GRID2: variants seen among roughly 807,000 people sequenced by gnomAD.
GRID2 encodes the protein glutamate receptor ionotropic, delta-2.
In GRID2, 33 loss-of-function variants were observed where a neutral mutation model predicts 114.8. The ratio of observed to expected loss-of-function variants is 0.29; its 90% CI spans 0.22 to 0.38. The LOEUF is 0.38. Ranked by LOEUF, GRID2 falls within the 10% of genes least tolerant of loss-of-function variation. The pLI, the probability that GRID2 is intolerant of heterozygous loss-of-function variation, is 1.00. For missense variants in GRID2, 1,184 were observed against 1,257.7 expected (o/e 0.94, Z 0.89); for synonymous variants, 505 against 449.9 (o/e 1.12, Z -1.55).
In GRID2 at chr4:93,626,356, A is replaced by G; in HGVS notation, c.2281A>G (p.Ile761Val). ...TGACCCAGATTGTTCCTTTTACACC[A>G]TTGGAAATACTGTTGCTGATCGGGG... ...INDPDCSFYT[I>V]GNTVADRGYG... Residue 761 changes from isoleucine (I) to valine (V), a missense_variant, in exon 14 of 16, where the codon ATT (isoleucine) becomes GTT (valine). Transcript: ENST00000282020. 6.2e-7 allele frequency: 1 copy of G among 1,606,930 alleles called. No homozygotes were observed. Among genetic ancestry groups the G allele is most frequent in the Non-Finnish European group, 8.5e-7 (1 of 1,173,700 alleles).
chr4:92,704,741 C>CTTTCTCTCTCTCTCTCTCTA (rs1579878824), intron 2 of GRID2, among the ~76,000 whole-genome samples: 1 of 150,374 alleles, frequency 6.7e-6, no homozygotes, highest in African/African-American at 2.5e-5. Context: ...CTCTCTCTCT[C>CTTTCTCTCTCTCTCTCTCTA]TCTCCCTCCC....
At chr4:93,571,766 G>A (rs754983972) in intron 13 of GRID2, among the ~76,000 whole-genome samples, 9 of 152,090 alleles carry the variant, frequency 5.9e-5, no homozygotes, top group Non-Finnish European at 8.8e-5. Flanking sequence ...AACATGGAAA[G>A]GTATGAAATG....
intron 2 of GRID2, among the ~76,000 whole-genome samples, chr4:92,852,878 CT>C (rs1489821323): frequency 6.6e-6 from 1 of 151,952 alleles, no homozygotes; most frequent in Non-Finnish European, 1.5e-5. Flanking sequence ...AAATTTTCAG[CT>C]TCATTGTTAA....
chr4:92,499,117 A>G (rs1299874802), intron 1 of GRID2, among the ~76,000 whole-genome samples: 2 of 151,988 alleles, frequency 1.3e-5, no homozygotes, highest in Admixed American at 6.6e-5. Flanking sequence ...GTAGATATGT[A>G]TACTACCTGT....
At chr4:93,104,076 C>T (rs1309811969) in intron 3 of GRID2, among the ~76,000 whole-genome samples, 2 of 151,970 alleles carry the variant, frequency 1.3e-5, no homozygotes, top group Non-Finnish European at 2.9e-5. Context: ...GTCTATTGTT[C>T]CCATGTTTAT....
At chr4:92,844,310 G>A (rs770356732) in intron 2 of GRID2, among the ~76,000 whole-genome samples, 14 of 151,918 alleles carry the variant, frequency 9.2e-5, no homozygotes, top group Non-Finnish European at 1.6e-4. Context: ...AGGCCAAGAC[G>A]GGTGGATTAT....
At chr4:92,707,809 C>T (rs964860486) in intron 2 of GRID2, among the ~76,000 whole-genome samples, 1 of 152,250 alleles carries the variant, frequency 6.6e-6, no homozygotes, top group South Asian at 2.1e-4. Flanking sequence ...GAAGGAAGTT[C>T]GACTGTGTTG....
chr4:93,580,527 T>C (rs1736869802), intron 13 of GRID2, among the ~76,000 whole-genome samples: 1 of 152,220 alleles, frequency 6.6e-6, no homozygotes, highest in South Asian at 2.1e-4. Flanking sequence ...GAAAGTTGAC[T>C]GTTTTGTCAT....
intron 2 of GRID2, among the ~76,000 whole-genome samples, chr4:92,750,366 A>G (rs1343309034): frequency 6.6e-6 from 1 of 152,142 alleles, no homozygotes; most frequent in Non-Finnish European, 1.5e-5. Flanking sequence ...TGCCTATTCT[A>G]CTTTCGCTAA....
chr4:93,489,459 TAA>T (rs1726758471), intron 11 of GRID2, among the ~76,000 whole-genome samples: 1 of 151,956 alleles, frequency 6.6e-6, no homozygotes, highest in Admixed American at 6.6e-5. Flanking sequence ...TTTTATTTTT[TAA>T]AGAGTCCTGG....
chr4:92,385,755 A>G (rs1358691009), intron 1 of GRID2, among the ~76,000 whole-genome samples: 1 of 151,524 alleles, frequency 6.6e-6, no homozygotes, highest in Non-Finnish European at 1.5e-5. Flanking sequence ...GTACATTTGT[A>G]ATATACCTTT....
At chr4:93,658,389 T>A (rs902509330) in intron 14 of GRID2, among the ~76,000 whole-genome samples, 1 of 152,160 alleles carries the variant, frequency 6.6e-6, no homozygotes, top group Non-Finnish European at 1.5e-5. Flanking sequence ...ATTGAAATAA[T>A]ACCATTTAAA....
In GRID2 at chr4:92,742,224, T is replaced by G. The variant is rs569198393; in HGVS notation, c.244+151938T>G. Among the ~76,000 whole-genome samples, 3 of 152,314 alleles carry G rather than the reference T, an allele frequency of 2.0e-5. No homozygotes were observed. The South Asian group carries it at 6.2e-4, about 32-fold the overall frequency. ...TGTAAGTGAGAATTTTAAAATTAAT[T>G]GAAAACTCTCCTGTTAGTAAATTAA... On this transcript the variant is annotated intron_variant, in intron 2 of 15. Transcript: ENST00000282020.
At chr4:93,596,853 A>G (rs1259930097) in intron 13 of GRID2, among the ~76,000 whole-genome samples, 1 of 152,224 alleles carries the variant, frequency 6.6e-6, no homozygotes, top group Non-Finnish European at 1.5e-5. Context: ...TTCTACATAC[A>G]ATATAATTGA....
intron 2 of GRID2, among the ~76,000 whole-genome samples, chr4:92,851,974 G>A (rs1002933127): frequency 4.8e-4 from 73 of 152,040 alleles, no homozygotes; most frequent in African/African-American, 1.7e-3. Context: ...GAGTCCTTTT[G>A]TTAAGAAATT....
At chr4:93,440,678 G>A (rs1333087289) in intron 10 of GRID2, among the ~76,000 whole-genome samples, 1 of 152,062 alleles carries the variant, frequency 6.6e-6, no homozygotes, top group Non-Finnish European at 1.5e-5. Flanking sequence ...GATAAGGAAG[G>A]ATTTTAACAC....
At position 92,879,290 on chromosome 4, in the gene GRID2, A is replaced by G. The variant is rs1310011137; in HGVS notation, c.245-205705A>G. On this transcript the variant is annotated intron_variant, in intron 2 of 15. Coordinates refer to ENST00000282020, the MANE Select transcript of GRID2 (RefSeq NM_001510.4). ...GACAGAGTAAATACTGATGTGACTG[A>G]CCCTTGTGAAGGTTGACTGACACCA... Among the ~76,000 whole-genome samples, 4 of 152,180 alleles carry G rather than the reference A, an allele frequency of 2.6e-5. 1 individual carries two copies. The highest frequency in any genetic ancestry group is 1.3e-4 in the Admixed American group (2 of 15,278).
chr4:93,345,619 T>C (rs1760149350), intron 8 of GRID2, among the ~76,000 whole-genome samples: 1 of 152,126 alleles, frequency 6.6e-6, no homozygotes, highest in Non-Finnish European at 1.5e-5. Flanking sequence ...ATTGTTTCCC[T>C]TGCTTGAGGA....
chr4:93,132,027 C>T (rs1734851766), intron 4 of GRID2, among the ~76,000 whole-genome samples: 1 of 151,870 alleles, frequency 6.6e-6, no homozygotes, highest in Admixed American at 6.6e-5. Context: ...ACACAAACAA[C>T]AAAAATGGAC....
Sources: allele counts gnomAD v4.1 joint callset (sites outside exome capture counted in the v4.1 genomes callset), GRCh38; gene constraint gnomAD v4.1.1; transcripts MANE v1.5; gene names NCBI Gene and HGNC (gene_info 2026-07-23, HGNC 2026-07-21).